The following SLIT3 variants were observed in gnomAD, a reference collection of about 807,000 sequenced individuals.
SLIT3 encodes the protein slit guidance ligand 3, also known as slit homolog 3 protein.
Under a neutral mutation model 184.0 loss-of-function variants are expected in SLIT3, and 68 were observed. The ratio of observed to expected loss-of-function variants is 0.37; its 90% CI spans 0.30 to 0.45. SLIT3 has a LOEUF of 0.45. Ranked by LOEUF, SLIT3 falls within the 20% of genes least tolerant of loss-of-function variation. The pLI is 1.00. For missense variants in SLIT3, 1,707 were observed against 2,026.0 expected, an observed-to-expected ratio of 0.84 and a Z score of 3.02; for synonymous variants, 831 against 828.6, an observed-to-expected ratio of 1.00 and a Z score of -0.05.
At chr5:168,747,647 T>C (rs1451291653) in intron 20 of SLIT3, among the ~76,000 whole-genome samples, 2 of 152,030 alleles carry the variant, frequency 1.3e-5, no homozygotes, top group Non-Finnish European at 2.9e-5. Context: ...TTCTCCATAA[T>C]ATTAAGAGCC....
At chr5:169,005,314 A>G (rs1191871658) in intron 4 of SLIT3, among the ~76,000 whole-genome samples, 1 of 152,234 alleles carries the variant, frequency 6.6e-6, no homozygotes, top group African/African-American at 2.4e-5. Flanking sequence ...CAGTAGCCTG[A>G]GCTGACTACA....
intron 4 of SLIT3, among the ~76,000 whole-genome samples, chr5:168,976,928 G>T (rs1036586869): frequency 6.6e-6 from 1 of 152,102 alleles, no homozygotes; most frequent in Non-Finnish European, 1.5e-5. Flanking sequence ...CCATAAGGGC[G>T]AAGCCAACAC....
At chr5:169,114,188 C>T (rs942603291) in intron 4 of SLIT3, among the ~76,000 whole-genome samples, 2 of 152,164 alleles carry the variant, frequency 1.3e-5, no homozygotes, top group East Asian at 1.9e-4. Flanking sequence ...AACCTCCCTA[C>T]CTAATCCTTT....
At chr5:168,715,654 G>T (rs1762700500) in intron 23 of SLIT3, among the ~76,000 whole-genome samples, 1 of 152,200 alleles carries the variant, frequency 6.6e-6, no homozygotes, top group Admixed American at 6.5e-5. Context: ...AGGGCGAGAG[G>T]CAGAGGTACA....
chr5:169,114,970 C>T (rs946014686), intron 4 of SLIT3, among the ~76,000 whole-genome samples: 7 of 152,092 alleles, frequency 4.6e-5, no homozygotes, highest in Non-Finnish European at 7.4e-5. Context: ...AGGGGGAGGG[C>T]GGAAGGAGGT....
In SLIT3 at chr5:168,767,236, CACA is replaced by C. The variant is rs553573983; in HGVS notation, c.1460-4550_1460-4548del. Among the ~76,000 whole-genome samples the C allele has an allele frequency of 2.3e-3, 352 of 152,246 alleles. 2 individuals are homozygous for C. Among genetic ancestry groups the C allele is most frequent in the African/African-American group, 7.6e-3 (316 of 41,548 alleles). ...CTCAGATAGACGAGGTAATAAGAGT[CACA>C]CCTCATGATGGGGGCCCAGGGCTCA... On this transcript the variant is annotated intron_variant, in intron 14 of 35. Transcript: ENST00000519560.
chr5:168,956,018 C>T (rs1227123360), intron 4 of SLIT3, among the ~76,000 whole-genome samples: 1 of 152,156 alleles, frequency 6.6e-6, no homozygotes, highest in Non-Finnish European at 1.5e-5. Flanking sequence ...ATTGGGTGGT[C>T]TGGTCCAATC....
At position 168,727,527 on chromosome 5, in the gene SLIT3, AG is replaced by A. The variant is rs1160112769; in HGVS notation, c.2271-3044del. Among the ~76,000 whole-genome samples, 5 of 152,118 alleles carry A rather than the reference AG, an allele frequency of 3.3e-5. No homozygotes were observed. The East Asian group carries it at 9.7e-4, about 29-fold the overall frequency. On this transcript the variant is annotated intron_variant, in intron 20 of 35. Transcript: ENST00000519560. ...GGGCTGAAGTCTCATGGGCCTGGAG[AG>A]GACAGTGGGAGACAGGGTAGATCAC... is the stretch of plus-strand genomic sequence containing the variant.
intron 4 of SLIT3, among the ~76,000 whole-genome samples, chr5:168,888,663 C>T (rs1760319325): frequency 6.6e-6 from 1 of 152,186 alleles, no homozygotes; most frequent in South Asian, 2.1e-4. Flanking sequence ...TTGACTACCT[C>T]TTCAATCCCT....
chr5:168,831,770 CA>C (rs1442922751), intron 6 of SLIT3, among the ~76,000 whole-genome samples: 1 of 152,138 alleles, frequency 6.6e-6, no homozygotes, highest in African/African-American at 2.4e-5. Context: ...AATCAGCTGC[CA>C]ATTTGGGCCT....
chr5:169,117,288 G>A (rs140922794), intron 4 of SLIT3, among the ~76,000 whole-genome samples: 181 of 152,272 alleles, frequency 1.2e-3, no homozygotes, highest in African/African-American at 4.1e-3. Context: ...CTCCATGCCC[G>A]GATTGAGGAG....
chr5:169,062,357 T>C (rs1264696870), intron 4 of SLIT3, among the ~76,000 whole-genome samples: 1 of 152,200 alleles, frequency 6.6e-6, no homozygotes, highest in Non-Finnish European at 1.5e-5. Flanking sequence ...GGGTGCCACA[T>C]GAATGCTACA....
intron 4 of SLIT3, among the ~76,000 whole-genome samples, chr5:168,974,325 A>G (rs976481978): frequency 2.6e-5 from 4 of 152,138 alleles, no homozygotes; most frequent in African/African-American, 7.2e-5. Flanking sequence ...GAAGATAAAC[A>G]TTCTTTGTTG....
At chr5:169,077,789 G>A (rs1177615269) in intron 4 of SLIT3, among the ~76,000 whole-genome samples, 1 of 139,844 alleles carries the variant, frequency 7.2e-6, no homozygotes, top group East Asian at 2.1e-4. Flanking sequence ...GCTTATATGT[G>A]TTTTCTACAT....
At chr5:168,962,580 G>A (rs1431343705) in intron 4 of SLIT3, among the ~76,000 whole-genome samples, 4 of 151,904 alleles carry the variant, frequency 2.6e-5, no homozygotes, top group African/African-American at 7.3e-5. Context: ...AAAAAAGTGA[G>A]CCCAACCCCC....
At chr5:169,180,962 T>A (rs944668404) in intron 4 of SLIT3, among the ~76,000 whole-genome samples, 1 of 152,066 alleles carries the variant, frequency 6.6e-6, no homozygotes, top group Non-Finnish European at 1.5e-5. Context: ...CCCATGCACA[T>A]CTCTTCCAGG....
At position 169,300,594 on chromosome 5, in the gene SLIT3, G is replaced by C; in HGVS notation, c.116C>G (p.Thr39Ser). 7 of 1,510,404 alleles carry C rather than the reference G, an allele frequency of 4.6e-6. No homozygotes were observed. The highest frequency in any genetic ancestry group is 5.3e-6 in the Non-Finnish European group (6 of 1,133,786). The allele number at this position is 1,510,404 out of a possible 1,614,324, so 93.6% of individuals were successfully genotyped here. ...GCAGTCCACGCTGGCAGCGGAGCAG[G>C]TACACTTGGTGGGGCAGGCGACGGC... ...PPAVACPTKC[T>S]CSAASVDCHG... The change falls in exon 1 of 36, where the codon ACC becomes AGC. Residue 39 changes from threonine to serine, a missense_variant. This residue lies in a region of SLIT3 where 1,307 missense variants were observed against 1,511.6 expected (regional missense o/e 0.86). Transcript: ENST00000519560. The surrounding 1 kb of genome is among the most constrained non-coding windows in gnomAD (Gnocchi z 4.1).
chr5:169,273,828 T>A lies in SLIT3; in HGVS notation c.198-22369A>T, dbSNP rs192735565. Among the ~76,000 whole-genome samples the A allele has an allele frequency of 8.5e-5, 13 of 152,296 alleles. No homozygotes were observed. The East Asian group carries it at 2.5e-3, about 29-fold the overall frequency. On this transcript the variant is annotated intron_variant, in intron 1 of 35. Transcript: ENST00000519560. Reference sequence around the variant, plus strand: ...TCTGCAGAAGGTCCTTAGTGTGAAATTCCTGACCCCAAGGAGCTTAAAACC... The same window carrying A: ...TCTGCAGAAGGTCCTTAGTGTGAAAATCCTGACCCCAAGGAGCTTAAAACC...
intron 25 of SLIT3, chr5:168,710,068 T>C (rs1360970784): frequency 2.6e-5 from 4 of 152,178 alleles, no homozygotes; most frequent in Non-Finnish European, 5.9e-5. Flanking sequence ...AAGATCTTTA[T>C]GTGTCAATGG....
Sources: gnomAD v4.1 joint callset for allele counts (sites outside exome capture counted in the v4.1 genomes callset) on GRCh38, gnomAD v4.1.1 for gene constraint, gnomAD v4.1.1 regional missense constraint, Gnocchi (gnomAD v3.1) non-coding constraint, MANE v1.5 for transcripts, NCBI Gene and HGNC (gene_info 2026-07-23, HGNC 2026-07-21) for gene names.